Variants in PDE4B observed in about 807,000 individuals in gnomAD.
The protein encoded by PDE4B is 3',5'-cyclic-AMP phosphodiesterase 4B.
In PDE4B, 20 loss-of-function variants were observed where a neutral mutation model predicts 82.2. The observed-to-expected ratio is 0.24, with a 90% CI of 0.17 to 0.35. The LOEUF is 0.35. PDE4B is among the 10% of genes least tolerant of loss of function. The probability of loss-of-function intolerance (pLI) is 1.00; values close to 1 mark genes in which losing one functional copy is unlikely to be tolerated. For missense variants in PDE4B, 655 were observed against 907.2 expected (o/e 0.72, Z 3.57); for synonymous variants, 320 against 318.9 (o/e 1.00, Z -0.04).
intron 7 of PDE4B, 198 bp from the exon 8 acceptor site, chr1:66,332,310 C>G: frequency 1.3e-6 from 2 of 1,555,246 alleles, no homozygotes; most frequent in Middle Eastern, 2.3e-4. Flanking sequence ...AAACTTGGCA[C>G]CAGCCATCCC....
In PDE4B at chr1:66,151,728, A is replaced by G. The variant is rs551202499; in HGVS notation, c.282-95732A>G. Among the ~76,000 whole-genome samples, 7 of 152,242 alleles carry G rather than the reference A, an allele frequency of 4.6e-5. No individual in the cohort carries two copies. The East Asian group carries it at 1.4e-3, about 29-fold the overall frequency. On this transcript the variant is annotated intron_variant, in intron 3 of 16. Coordinates refer to ENST00000341517, the MANE Select transcript of PDE4B (RefSeq NM_002600.4). Reference sequence around the variant, plus strand: ...CTTTTTGTTAATCTGTCTGTTTCTCACCTATTGTAAGTCTTTTGATGGCAG... The same window carrying G: ...CTTTTTGTTAATCTGTCTGTTTCTCGCCTATTGTAAGTCTTTTGATGGCAG...
At chr1:66,056,997 A>G (rs1434457255) in intron 3 of PDE4B, among the ~76,000 whole-genome samples, 1 of 152,194 alleles carries the variant, frequency 6.6e-6, no homozygotes, top group Admixed American at 6.5e-5. Flanking sequence ...ACATGTGTAC[A>G]TTTCAGATTG....
chr1:66,212,304 C>T (rs1429827605), intron 3 of PDE4B, among the ~76,000 whole-genome samples: 2 of 152,242 alleles, frequency 1.3e-5, no homozygotes, highest in African/African-American at 4.8e-5. Context: ...CATTACTTTT[C>T]TGACATCCAC....
chr1:65,797,530 T>C (rs1205120394), intron 1 of PDE4B, among the ~76,000 whole-genome samples: 2 of 152,184 alleles, frequency 1.3e-5, no homozygotes, highest in Non-Finnish European at 2.9e-5. Flanking sequence ...GTGCTGTTAG[T>C]CTGCCTGGTT....
At chr1:66,065,097 A>C (rs903359626) in intron 3 of PDE4B, among the ~76,000 whole-genome samples, 1 of 151,938 alleles carries the variant, frequency 6.6e-6, no homozygotes, top group African/African-American at 2.4e-5. Context: ...AAAGGCCAGA[A>C]TTTGCTTAGA....
At chr1:66,192,981 C>T (rs1290971605) in intron 3 of PDE4B, among the ~76,000 whole-genome samples, 1 of 152,056 alleles carries the variant, frequency 6.6e-6, no homozygotes, top group Non-Finnish European at 1.5e-5. Context: ...AAGATTAACC[C>T]AAGTTTTTCT....
intron 3 of PDE4B, among the ~76,000 whole-genome samples, chr1:66,153,926 G>T (rs745377031): frequency 2.0e-5 from 3 of 152,196 alleles, no homozygotes; most frequent in Non-Finnish European, 2.9e-5. Context: ...TTGCTAAGAT[G>T]CCTGATATAC....
At position 66,013,679 on chromosome 1, in the gene PDE4B, A is replaced by T. The variant is rs150439698; in HGVS notation, c.281+94844A>T. Among the ~76,000 whole-genome samples the T allele has an allele frequency of 5.7e-3, 855 of 149,910 alleles. 3 individuals carry two copies. The highest frequency in any genetic ancestry group is 0.012 in the Admixed American group (182 of 15,048). ...AAGCTCTCAGAAACCACCACTTTTT[A>T]AAAAAAAAATAACTCATCCACCTAT... On this transcript the variant is annotated intron_variant, in intron 3 of 16. Transcript: ENST00000341517.
At chr1:65,967,025 A>C (rs997233151) in intron 3 of PDE4B, among the ~76,000 whole-genome samples, 1 of 152,212 alleles carries the variant, frequency 6.6e-6, no homozygotes, top group African/African-American at 2.4e-5. Flanking sequence ...ACAAAAGCCA[A>C]AATTGACAAA....
At chr1:65,966,346 G>A (rs1367082378) in intron 3 of PDE4B, among the ~76,000 whole-genome samples, 1 of 152,106 alleles carries the variant, frequency 6.6e-6, no homozygotes, top group Non-Finnish European at 1.5e-5. Context: ...TACAAGGTAT[G>A]TGAAGGACCT....
chr1:66,127,244 G>A (rs1354374471), intron 3 of PDE4B, among the ~76,000 whole-genome samples: 1 of 152,100 alleles, frequency 6.6e-6, no homozygotes, highest in Non-Finnish European at 1.5e-5. Flanking sequence ...TACCTTAGGG[G>A]AAACAATAGG....
intron 3 of PDE4B, among the ~76,000 whole-genome samples, chr1:65,991,885 A>G (rs531145441): frequency 1.3e-5 from 2 of 152,290 alleles, no homozygotes; most frequent in Non-Finnish European, 2.9e-5. Flanking sequence ...TTTAACTGAG[A>G]GTATTCATTT....
intron 3 of PDE4B, among the ~76,000 whole-genome samples, chr1:66,068,644 TA>T (rs901866524): frequency 6.6e-5 from 10 of 151,900 alleles, no homozygotes; most frequent in East Asian, 1.9e-4. Flanking sequence ...GATGAAAATA[TA>T]AAAAAAATTC....
chr1:65,941,362 A>G (rs1428364741), intron 3 of PDE4B, among the ~76,000 whole-genome samples: 1 of 152,028 alleles, frequency 6.6e-6, no homozygotes, highest in African/African-American at 2.4e-5. Context: ...CAAAATTCTT[A>G]TTTCCGGATT....
intron 4 of PDE4B, among the ~76,000 whole-genome samples, chr1:66,252,858 G>A (rs1653897745): frequency 6.6e-6 from 1 of 152,212 alleles, no homozygotes; most frequent in Non-Finnish European, 1.5e-5. Context: ...AGGATCACTT[G>A]AGCCAGAGAG....
intron 7 of PDE4B, among the ~76,000 whole-genome samples, chr1:66,286,569 A>G (rs564674380): frequency 3.3e-5 from 5 of 152,318 alleles, no homozygotes; most frequent in Admixed American, 3.3e-4. Flanking sequence ...TGCTCTGTAT[A>G]CATTTGGGTT....
chr1:66,185,072 A>G (rs1156675934), intron 3 of PDE4B, among the ~76,000 whole-genome samples: 3 of 151,880 alleles, frequency 2.0e-5, no homozygotes, highest in Non-Finnish European at 2.9e-5. Context: ...TCCCACCTAT[A>G]AGTGAGAACA....
chr1:66,032,638 G>A (rs1223627889), intron 3 of PDE4B, among the ~76,000 whole-genome samples: 1 of 149,752 alleles, frequency 6.7e-6, no homozygotes, highest in South Asian at 2.1e-4. Context: ...TTAATGCCAT[G>A]GTATCATTTA....
intron 7 of PDE4B, among the ~76,000 whole-genome samples, chr1:66,301,446 T>C (rs954813747): frequency 6.6e-6 from 1 of 152,086 alleles, no homozygotes; most frequent in African/African-American, 2.4e-5. Flanking sequence ...ATTATCTCTA[T>C]GTCACAGAGG....
Sources: gnomAD v4.1 joint callset for allele counts (sites outside exome capture counted in the v4.1 genomes callset) on GRCh38, gnomAD v4.1.1 for gene constraint, MANE v1.5 for transcripts, NCBI Gene and HGNC (gene_info 2026-07-23, HGNC 2026-07-21) for gene names.